Variants in CSMD1 observed in about 807,000 individuals in gnomAD.
CSMD1 encodes the protein CUB and sushi domain-containing protein 1.
Under a neutral mutation model 417.5 loss-of-function variants are expected in CSMD1, and 213 were observed. The observed-to-expected ratio is 0.51, with a 90% CI of 0.46 to 0.57. The LOEUF (loss-of-function observed/expected upper bound fraction) is 0.57, where lower values mean the gene tolerates loss of function less well. Ranked by LOEUF, CSMD1 falls within the 20% of genes least tolerant of loss-of-function variation. The probability of loss-of-function intolerance (pLI) is 0.00; values close to 1 mark genes in which losing one functional copy is unlikely to be tolerated. For synonymous variants in CSMD1, 2,862 were observed against 1,736.8 expected (o/e 1.65, Z -16.11); for missense variants, 6,923 against 4,529.7 (o/e 1.53, Z -15.17).
At chr8:4,760,947 CT>C (rs1812001827) in intron 1 of CSMD1, among the ~76,000 whole-genome samples, 1 of 152,062 alleles carries the variant, frequency 6.6e-6, no homozygotes, top group Non-Finnish European at 1.5e-5. Flanking sequence ...AATTTATTGA[CT>C]TATTTCAGAC....
chr8:4,304,714 G>C (rs796855292), intron 3 of CSMD1, among the ~76,000 whole-genome samples: 25 of 152,160 alleles, frequency 1.6e-4, no homozygotes, highest in African/African-American at 4.8e-4. Context: ...TCCCTACAAG[G>C]AGAGCCAACT....
At chr8:4,000,237 G>T (rs1815561525) in intron 4 of CSMD1, among the ~76,000 whole-genome samples, 1 of 148,258 alleles carries the variant, frequency 6.7e-6, no homozygotes, top group South Asian at 2.1e-4. Flanking sequence ...CCTGCCCCCC[G>T]CCCTCCGTGG....
At chr8:3,429,210 G>T (rs1446908092) in intron 12 of CSMD1, among the ~76,000 whole-genome samples, 1 of 151,442 alleles carries the variant, frequency 6.6e-6, no homozygotes, top group Non-Finnish European at 1.5e-5. Context: ...GTAAAGAAAC[G>T]CTGAACGTTG....
At chr8:3,353,375 A>G (rs1173406246) in intron 21 of CSMD1, among the ~76,000 whole-genome samples, 1 of 152,134 alleles carries the variant, frequency 6.6e-6, no homozygotes, top group African/African-American at 2.4e-5. Context: ...CTCTAACACT[A>G]CCCCTACCTT....
intron 23 of CSMD1, among the ~76,000 whole-genome samples, chr8:3,315,955 G>C (rs62504449): frequency 3.9e-5 from 6 of 152,104 alleles, no homozygotes; most frequent in African/African-American, 1.4e-4. Context: ...CTTCCAGCAG[G>C]TCAAATAGTT....
At chr8:4,618,540 T>G (rs1014412799) in intron 2 of CSMD1, among the ~76,000 whole-genome samples, 1 of 151,754 alleles carries the variant, frequency 6.6e-6, no homozygotes, top group Non-Finnish European at 1.5e-5. Flanking sequence ...CATATTTATT[T>G]CTTGATTCTT....
At chr8:3,389,166 T>C (rs5023364) in intron 17 of CSMD1, among the ~76,000 whole-genome samples, 69,810 of 151,878 alleles carry the variant, frequency 0.46, 16,623 homozygotes, top group African/African-American at 0.57. Context: ...TTTGTTACAT[T>C]GGTAAACTTT....
chr8:4,138,012 C>A (rs559024472), intron 3 of CSMD1, among the ~76,000 whole-genome samples: 2 of 141,740 alleles, frequency 1.4e-5, no homozygotes, highest in South Asian at 2.3e-4. Context: ...AGAGTAGCTG[C>A]GACTAGAGGC....
At chr8:3,058,239 T>A (rs1370159777) in intron 49 of CSMD1, among the ~76,000 whole-genome samples, 1 of 152,208 alleles carries the variant, frequency 6.6e-6, no homozygotes, top group African/African-American at 2.4e-5. Context: ...GCACTTTCTA[T>A]AGTTGTCTGT....
At chr8:4,150,338 C>G (rs529993294) in intron 3 of CSMD1, among the ~76,000 whole-genome samples, 1 of 152,148 alleles carries the variant, frequency 6.6e-6, no homozygotes, top group Non-Finnish European at 1.5e-5. Flanking sequence ...TTCTCTAACC[C>G]GTGCCATTCT....
intron 3 of CSMD1, among the ~76,000 whole-genome samples, chr8:4,261,187 T>C (rs1331028086): frequency 6.6e-6 from 1 of 152,176 alleles, no homozygotes; most frequent in Non-Finnish European, 1.5e-5. Context: ...ATAATCATGA[T>C]TAAGTTAAAA....
At chr8:4,911,664 G>C (rs1479976819) in intron 1 of CSMD1, among the ~76,000 whole-genome samples, 3 of 152,004 alleles carry the variant, frequency 2.0e-5, no homozygotes, top group Non-Finnish European at 4.4e-5. Context: ...TAACTACTTC[G>C]AAGTCTGCAT....
At chr8:4,018,990 T>C (rs1026383249) in intron 4 of CSMD1, among the ~76,000 whole-genome samples, 1 of 152,244 alleles carries the variant, frequency 6.6e-6, no homozygotes, top group Non-Finnish European at 1.5e-5. Context: ...TTAACTCTGA[T>C]TACCACACTT....
At chr8:3,098,820 G>A (rs1247647378) in intron 46 of CSMD1, among the ~76,000 whole-genome samples, 1 of 152,114 alleles carries the variant, frequency 6.6e-6, no homozygotes, top group Non-Finnish European at 1.5e-5. Flanking sequence ...GCTTTCCTTG[G>A]CTCTGACGTG....
At chr8:4,030,733 T>C (rs187794130) in intron 4 of CSMD1, among the ~76,000 whole-genome samples, 1 of 152,304 alleles carries the variant, frequency 6.6e-6, no homozygotes, top group African/African-American at 2.4e-5. Flanking sequence ...GAAAATGGGA[T>C]TTTCTTTTCT....
intron 5 of CSMD1, among the ~76,000 whole-genome samples, chr8:3,875,688 G>A (rs1188880550): frequency 6.6e-6 from 1 of 152,170 alleles, no homozygotes; most frequent in African/African-American, 2.4e-5. Flanking sequence ...CTCTGGCTGA[G>A]GTCTAGGGAG....
intron 3 of CSMD1, among the ~76,000 whole-genome samples, chr8:4,204,920 A>C (rs1221881523): frequency 6.6e-6 from 1 of 152,262 alleles, no homozygotes; most frequent in East Asian, 1.9e-4. Flanking sequence ...TCAGCTTCCC[A>C]AAGTGCTGGG....
intron 3 of CSMD1, among the ~76,000 whole-genome samples, chr8:4,264,731 TA>T (rs1050953764): frequency 2.0e-5 from 3 of 152,010 alleles, no homozygotes; most frequent in Admixed American, 2.0e-4. Flanking sequence ...TGCCCAGGGG[TA>T]GGGAACATCC....
At chr8:4,427,828 T>G (rs10101304) in intron 2 of CSMD1, among the ~76,000 whole-genome samples, 39 of 151,994 alleles carry the variant, frequency 2.6e-4, no homozygotes, top group African/African-American at 8.4e-4. Context: ...GTTTAACCTA[T>G]TGAATAATTC....
Sources: gnomAD v4.1 joint callset for allele counts (sites outside exome capture counted in the v4.1 genomes callset) on GRCh38, gnomAD v4.1.1 for gene constraint, MANE v1.5 for transcripts, NCBI Gene and HGNC (gene_info 2026-07-23, HGNC 2026-07-21) for gene names.